The following CEP68 variants were observed in gnomAD, a reference collection of about 807,000 sequenced individuals.
CEP68 encodes the protein centrosomal protein 68, also known as centrosomal protein of 68 kDa.
CEP68 carries 26 observed loss-of-function variants against 55.3 expected under a neutral mutation model. The observed-to-expected ratio is 0.47, with a 90% CI of 0.34 to 0.65. The LOEUF (loss-of-function observed/expected upper bound fraction) is 0.65. Ranked by LOEUF, CEP68 falls within the 30% of genes least tolerant of loss-of-function variation. The probability of loss-of-function intolerance (pLI) is 0.01; values close to 1 mark genes in which losing one functional copy is unlikely to be tolerated. For missense variants in CEP68, 957 were observed against 946.7 expected (o/e 1.01, Z -0.14); for synonymous variants, 402 against 383.2 (o/e 1.05, Z -0.57).
intron 1 of CEP68, among the ~76,000 whole-genome samples, chr2:65,067,935 A>G (rs1200199070): frequency 6.6e-6 from 1 of 152,008 alleles, no homozygotes; most frequent in Admixed American, 6.6e-5. Flanking sequence ...TTCCAGTGCA[A>G]GGCGTCCTCA....
At position 65,079,230 on chromosome 2, in the gene CEP68, C is replaced by A. The variant is rs180873907; in HGVS notation, c.2104+1266C>A. 2.2e-3 allele frequency among the ~76,000 whole-genome samples: 331 copies of A among 152,294 alleles called. 2 individuals carry two copies. The highest frequency in any genetic ancestry group is 7.7e-3 in the African/African-American group (318 of 41,550). The stretch of plus-strand genomic sequence containing the variant: ...ACCAGCATGGTGGGCAGGTGCATAC[C>A]GTGAAGGGTGTACAGCAGGATTTCT... On this transcript the variant is annotated intron_variant, in intron 5 of 6. Coordinates refer to ENST00000377990, the MANE Select transcript of CEP68 (RefSeq NM_015147.3).
At chr2:65,061,159 A>G (rs1463203559) in intron 1 of CEP68, among the ~76,000 whole-genome samples, 1 of 152,050 alleles carries the variant, frequency 6.6e-6, no homozygotes, top group African/African-American at 2.4e-5. Context: ...GCAACACAGC[A>G]AGACTCCATC....
rs2103768796 is a variant in CEP68 at position 65,069,666 on chromosome 2, C to A, written c.222C>A (p.Gly74=). The change falls in exon 2 of 7, where the codon GGC becomes GGA. Residue 74 remains glycine, a synonymous_variant. Transcript: ENST00000377990. ...GCTGGATTGGGACTGACCCTGGCGG[C>A]CCCTCTAGAGCCCACCAGCCACAGG... ...PTCWIGTDPG[G]PSRAHQPQAS... The A allele has an allele frequency of 6.2e-6, 10 of 1,614,034 alleles. No individual in the cohort carries two copies. The highest frequency in any genetic ancestry group is 8.5e-6 in the Non-Finnish European group (10 of 1,180,032).
Position 65,085,385 on chromosome 2 carries a change from T to C in CEP68, c.*1751T>C, listed in dbSNP as rs1356701567. On this transcript the variant is annotated 3_prime_UTR_variant, in exon 7 of 7. Transcript: ENST00000377990. Reference sequence around the variant, plus strand: ...TACCTAGAGATGATCTAAGATATTTTTGTTCATCCTCTGAATAAGGTGAGA... The same window carrying C: ...TACCTAGAGATGATCTAAGATATTTCTGTTCATCCTCTGAATAAGGTGAGA... 1 of 152,208 alleles carries C rather than the reference T, an allele frequency of 6.6e-6. No individual in the cohort carries two copies. Among genetic ancestry groups the C allele is most frequent in the African/African-American group, 2.4e-5 (1 of 41,440 alleles). 9.4% of individuals were successfully genotyped at this position (152,208 alleles called of 1,614,324 possible).
At chr2:65,069,928 A>G (rs1451995328) in intron 2 of CEP68, 127 bp downstream of exon 2, 4 of 886,834 alleles carry the variant, frequency 4.5e-6, no homozygotes, top group African/African-American at 3.3e-5. Context: ...GGGCCTGAGT[A>G]TGATGATTTC....
At chr2:65,063,754 T>G (rs1676020742) in intron 1 of CEP68, among the ~76,000 whole-genome samples, 1 of 152,258 alleles carries the variant, frequency 6.6e-6, no homozygotes. Flanking sequence ...ACTTGTGCGT[T>G]TATCATAGCC....
chr2:65,065,019 C>T (rs1676095833), intron 1 of CEP68, among the ~76,000 whole-genome samples: 1 of 152,210 alleles, frequency 6.6e-6, no homozygotes, highest in Non-Finnish European at 1.5e-5. Context: ...ATCACTTATT[C>T]CCCAGTTGGC....
chr2:65,066,726 CAAAA>C lies in CEP68; in HGVS notation c.-46-2656_-46-2653del, dbSNP rs869096839. ...TGGAAGACAGAGTGAGACTCTGTCT[CAAAA>C]AAAAAAAAAAAAAAAATATATATAT... On this transcript the variant is annotated intron_variant, in intron 1 of 6. Coordinates refer to ENST00000377990, the MANE Select transcript of CEP68 (RefSeq NM_015147.3). 6.8e-3 allele frequency among the ~76,000 whole-genome samples: 294 copies of C among 43,224 alleles called. 1 individual carries two copies. Among genetic ancestry groups the C allele is most frequent in the African/African-American group, 0.023 (259 of 11,250 alleles). The allele number at this position is 43,224 out of a possible 152,430, so 28.4% of individuals were successfully genotyped here.
intron 1 of CEP68, among the ~76,000 whole-genome samples, chr2:65,057,988 A>G (rs1675722393): frequency 6.6e-6 from 1 of 152,164 alleles, no homozygotes; most frequent in Admixed American, 6.5e-5. Flanking sequence ...ATCCTTAAAA[A>G]TGGGAATAAT....
chr2:65,065,869 T>C (rs1426378932), intron 1 of CEP68, among the ~76,000 whole-genome samples: 1 of 151,794 alleles, frequency 6.6e-6, no homozygotes, highest in African/African-American at 2.4e-5. Flanking sequence ...AGCAGGAGAA[T>C]TGCTTGAAGC....
rs749078924 is a variant in CEP68 at position 65,072,616 on chromosome 2, C to T, written c.1520C>T (p.Thr507Ile). Residue 507 changes from threonine (T) to isoleucine (I), a missense_variant, in exon 3 of 7, where the codon ACC becomes ATC. Thr to Ile is a moderately conservative substitution (Grantham distance 89, BLOSUM62 -1). Coordinates refer to ENST00000377990, the MANE Select transcript of CEP68 (RefSeq NM_015147.3). ...CTAGGATCCATTTCTACCTTGGTTACCCTGCCCACTGGGGATATCAAAGGG... is the reference window on the plus strand; with the variant it reads ...CTAGGATCCATTTCTACCTTGGTTATCCTGCCCACTGGGGATATCAAAGGG... ...SYLGSISTLV[T>I]LPTGDIKGQS... is the part of the protein sequence containing the mutation. 9 of 1,614,010 alleles carry T rather than the reference C, an allele frequency of 5.6e-6. No homozygotes were observed. Among genetic ancestry groups the T allele is most frequent in the Admixed American group, 5.0e-5 (3 of 60,002 alleles).
At chr2:65,080,089 C>T (rs1020706954) in intron 5 of CEP68, among the ~76,000 whole-genome samples, 1 of 151,642 alleles carries the variant, frequency 6.6e-6, no homozygotes, top group African/African-American at 2.4e-5. Flanking sequence ...GCTGAGATTG[C>T]GCCATTGCAC....
intron 1 of CEP68, among the ~76,000 whole-genome samples, chr2:65,069,164 G>A (rs1676337404): frequency 1.3e-5 from 2 of 152,172 alleles, no homozygotes; most frequent in South Asian, 4.1e-4. Context: ...CTGCTGGTGG[G>A]GATGGCACCA....
At chr2:65,070,189 G>A (rs1239617515) in intron 2 of CEP68, among the ~76,000 whole-genome samples, 1 of 152,112 alleles carries the variant, frequency 6.6e-6, no homozygotes, top group African/African-American at 2.4e-5. Flanking sequence ...AGGGCTTTGG[G>A]CTCCTGGGGG....
rs1389923298 is a variant in CEP68, at chr2:65,072,346, C to T, written c.1250C>T (p.Ala417Val). ...GCTCGTTGGGAGCGCAGAGAGCCAG[C>T]CCTGAGGGGTGCGAAGGACCGGCTG... is the stretch of plus-strand genomic sequence containing the variant. The part of the protein sequence containing the change: ...RDARWERREP[A>V]LRGAKDRLTI... The change falls in exon 3 of 7, where the codon GCC (alanine) becomes GTC (valine). Residue 417 changes from alanine (A) to valine (V), a missense_variant. Ala to Val is a moderately conservative substitution (Grantham distance 64, BLOSUM62 0). Transcript: ENST00000377990. 4 of 1,613,906 alleles carry T rather than the reference C, an allele frequency of 2.5e-6. No homozygotes were observed. Among genetic ancestry groups the T allele is most frequent in the Admixed American group, 1.7e-5 (1 of 60,018 alleles).
intron 5 of CEP68, among the ~76,000 whole-genome samples, chr2:65,081,657 G>A (rs781520202): frequency 6.6e-4 from 101 of 152,190 alleles, no homozygotes; most frequent in Admixed American, 1.2e-3. Flanking sequence ...CTGACACTGC[G>A]GGAGTGAATC....
chr2:65,077,976 A>C lies in CEP68; in HGVS notation c.2104+12A>C. The C allele has an allele frequency of 6.2e-7, 1 of 1,605,250 alleles. No homozygotes were observed. Among genetic ancestry groups the C allele is most frequent in the Non-Finnish European group, 8.5e-7 (1 of 1,172,706 alleles). ...GGAGAACACCCCAGGTGAGATGCTT[A>C]AGGTTTTGGATTTAGCCAGAGCTTA... On this transcript the variant is annotated intron_variant, in intron 5 of 6. Coordinates refer to ENST00000377990, the MANE Select transcript of CEP68 (RefSeq NM_015147.3).
intron 1 of CEP68, among the ~76,000 whole-genome samples, chr2:65,064,746 A>G (rs1558556156): frequency 6.6e-6 from 1 of 151,984 alleles, no homozygotes; most frequent in Non-Finnish European, 1.5e-5. Context: ...AAAAAAAAAA[A>G]AAAAGAAATG....
At chr2:65,070,916 A>G (rs1676429010) in intron 2 of CEP68, 1 of 155,402 alleles carries the variant, frequency 6.4e-6, no homozygotes, top group Non-Finnish European at 1.4e-5. Context: ...ATGTCCTTCA[A>G]CACTGTGCTG....
Sources: allele counts gnomAD v4.1 joint callset (sites outside exome capture counted in the v4.1 genomes callset), GRCh38; gene constraint gnomAD v4.1.1; transcripts MANE v1.5; gene names NCBI Gene and HGNC (gene_info 2026-07-23, HGNC 2026-07-21).